The following LGALS8 variants were observed in gnomAD, a reference collection of about 807,000 sequenced individuals.
LGALS8 encodes galectin-8.
LGALS8 carries 30 observed loss-of-function variants against 35.9 expected under a neutral mutation model. That is an observed-to-expected ratio of 0.83 (90% confidence interval 0.62 to 1.13). The LOEUF is 1.13. Ranked by LOEUF, LGALS8 falls within the 50% of genes most tolerant of loss-of-function variation. The pLI, the probability that LGALS8 is intolerant of heterozygous loss-of-function variation, is 0.00. For synonymous variants in LGALS8, 138 were observed against 136.1 expected, an observed-to-expected ratio of 1.01 and a Z score of -0.10; for missense variants, 366 against 388.7, an observed-to-expected ratio of 0.94 and a Z score of 0.49.
chr1:236,519,560 C>T (rs1300421228), upstream of LGALS8, among the ~76,000 whole-genome samples: 6 of 152,200 alleles, frequency 3.9e-5, no homozygotes, highest in African/African-American at 1.4e-4. Flanking sequence ...TTGGCAATAT[C>T]TATTGTTCTG....
chr1:236,518,400 C>G (rs1285884351), intron 1 of LGALS8: 1 of 152,002 alleles, frequency 6.6e-6, no homozygotes, highest in Non-Finnish European at 1.5e-5. Flanking sequence ...CAAGAGGATT[C>G]AAAGGAGAAA....
chr1:236,538,143 G>A (rs538319827), intron 3 of LGALS8, among the ~76,000 whole-genome samples: 88 of 147,790 alleles, frequency 6.0e-4, no homozygotes, highest in Non-Finnish European at 1.0e-3. Context: ...AAGGAATTGT[G>A]GTCAGATGAC....
At chr1:236,525,080 G>A (rs1479092926) in intron 1 of LGALS8, among the ~76,000 whole-genome samples, 2 of 152,162 alleles carry the variant, frequency 1.3e-5, no homozygotes, top group Non-Finnish European at 2.9e-5. Context: ...CTTAAAAAAT[G>A]TGGCTGATGC....
chr1:236,522,286 A>AT (rs1186955087), upstream of LGALS8, among the ~76,000 whole-genome samples: 1 of 152,148 alleles, frequency 6.6e-6, no homozygotes, highest in Admixed American at 6.5e-5. Flanking sequence ...ATTTCAACTT[A>AT]TTTTAGCTTT....
chr1:236,524,160 G>A (rs1464892085), intron 1 of LGALS8, 99 bp downstream of exon 1: 1 of 456,536 alleles, frequency 2.2e-6, no homozygotes, highest in Non-Finnish European at 4.4e-6. Context: ...CGGATGTCAC[G>A]GCTCCTAAAT....
chr1:236,535,263 A>T (rs909522014), intron 2 of LGALS8, among the ~76,000 whole-genome samples: 13 of 152,018 alleles, frequency 8.6e-5, no homozygotes, highest in South Asian at 2.1e-4. Context: ...AACTATTGTT[A>T]TCATTTTTGT....
Position 236,552,423 on chromosome 1 carries a change from A to C in LGALS8, c.*4262A>C. 1 of 171,146 alleles carries C rather than the reference A, an allele frequency of 5.8e-6. No individual in the cohort carries two copies. The highest frequency in any genetic ancestry group is 1.2e-5 in the Non-Finnish European group (1 of 80,584). The allele number at this position is 171,146 out of a possible 1,614,324, so 10.6% of individuals were successfully genotyped here. On this transcript the variant is annotated 3_prime_UTR_variant, in exon 10 of 10. Transcript: ENST00000366584. Reference sequence around the variant, plus strand: ...AAATAAAATGCCGCATGCAAACTCAAGTGTGTCACCAGATTTTACTTCATT... The same window carrying C: ...AAATAAAATGCCGCATGCAAACTCACGTGTGTCACCAGATTTTACTTCATT...
At chr1:236,518,740 T>A (rs534625911), upstream of LGALS8, among the ~76,000 whole-genome samples, 2 of 152,290 alleles carry the variant, frequency 1.3e-5, no homozygotes, top group South Asian at 4.1e-4. Flanking sequence ...TTCTTTAAAG[T>A]TCTTGATACT....
rs1206634664 is a variant in LGALS8, at chr1:236,549,298, T to G, written c.*1137T>G. 1.2e-5 allele frequency: 3 copies of G among 244,686 alleles called. No homozygotes were observed. Among genetic ancestry groups the G allele is most frequent in the South Asian group, 3.6e-4 (2 of 5,622 alleles). The allele number at this position is 244,686 out of a possible 1,614,324, so 15.2% of individuals were successfully genotyped here. A position where few individuals can be genotyped will look rare whatever the true frequency, so the allele number is the denominator to read the frequency against. On this transcript the variant is annotated 3_prime_UTR_variant, in exon 10 of 10. Transcript: ENST00000366584. ...TTCCATTTCTGTGATTTTTCTATTA[T>G]TTGAGGGGAGTTGGCAGAAGTTCCA... is the stretch of plus-strand genomic sequence containing the variant.
intron 9 of LGALS8, among the ~76,000 whole-genome samples, chr1:236,545,947 T>TGGAG (rs1168835144): frequency 6.6e-6 from 1 of 152,136 alleles, no homozygotes; most frequent in Non-Finnish European, 1.5e-5. Flanking sequence ...TGGGGTTCAC[T>TGGAG]GGAGGGAAAC....
upstream of LGALS8, chr1:236,523,770 G>T (rs1440950560): frequency 4.8e-5 from 16 of 330,570 alleles, no homozygotes; most frequent in African/African-American, 6.5e-5. Flanking sequence ...CAGCAAGCCA[G>T]TCGCGGTCCA....
Position 236,550,875 on chromosome 1 carries a change from G to A in LGALS8, c.*2714G>A, listed in dbSNP as rs749934944. The A allele has an allele frequency of 1.3e-6, 2 of 1,522,444 alleles. No homozygotes were observed. Among genetic ancestry groups the A allele is most frequent in the Non-Finnish European group, 1.8e-6 (2 of 1,122,448 alleles). The allele number at this position is 1,522,444 out of a possible 1,614,324, so 94.3% of individuals were successfully genotyped here. ...TATGAAATATGAGTGTGAACTCTGAGTAGAGTATGAAACACCACAGAAAGT... is the reference window on the plus strand; with the variant it reads ...TATGAAATATGAGTGTGAACTCTGAATAGAGTATGAAACACCACAGAAAGT... On this transcript the variant is annotated 3_prime_UTR_variant, in exon 10 of 10. Transcript: ENST00000366584.
chr1:236,543,732 G>C (rs1359035371), intron 8 of LGALS8, 84 bp downstream of exon 8: 6 of 950,460 alleles, frequency 6.3e-6, no homozygotes, highest in East Asian at 2.5e-5. Context: ...CTGTGAGCTG[G>C]AAGAAGGGCT....
At chr1:236,542,662 G>A (rs1408701873) in intron 6 of LGALS8, 99 bp from the exon 7 acceptor site, 2 of 1,282,014 alleles carry the variant, frequency 1.6e-6, no homozygotes, top group African/African-American at 2.9e-5. Flanking sequence ...GAACATCCCA[G>A]GCTCCGGCCA....
intron 4 of LGALS8, chr1:236,540,171 G>C (rs1467933138): frequency 5.5e-6 from 1 of 180,772 alleles, no homozygotes; most frequent in Non-Finnish European, 1.1e-5. Context: ...GTGGTCTCCA[G>C]GGACAGTGTT....
intron 2 of LGALS8, among the ~76,000 whole-genome samples, chr1:236,529,811 G>A (rs1026038482): frequency 2.0e-5 from 3 of 151,770 alleles, no homozygotes; most frequent in Non-Finnish European, 2.9e-5. Context: ...GCCACGCCCC[G>A]CTAATTGTTC....
chr1:236,534,041 T>G (rs1000823086), intron 2 of LGALS8, among the ~76,000 whole-genome samples: 1 of 151,450 alleles, frequency 6.6e-6, no homozygotes, highest in African/African-American at 2.4e-5. Context: ...GGCTGCCCCC[T>G]TGCCAGAGTG....
At chr1:236,546,998 CCTTTCCACTGCTCCTATCAAAAGA>C (rs1322635512) in intron 9 of LGALS8, among the ~76,000 whole-genome samples, 9 of 131,582 alleles carry the variant, frequency 6.8e-5, no homozygotes, top group African/African-American at 2.4e-4. Flanking sequence ...CCTTGACAGT[CCTTTCCACTGCTCCTATCAAAAGA>C]ATGGAAACCC....
intron 9 of LGALS8, 30 bp from the exon 10 acceptor site, chr1:236,547,982 C>A (rs777274703): frequency 1.3e-6 from 2 of 1,587,418 alleles, no homozygotes; most frequent in Non-Finnish European, 1.7e-6. Context: ...CTAAGGGGAA[C>A]CACTAATGGC....
Sources: allele counts gnomAD v4.1 joint callset (sites outside exome capture counted in the v4.1 genomes callset), GRCh38; gene constraint gnomAD v4.1.1; transcripts MANE v1.5; gene names NCBI Gene and HGNC (gene_info 2026-07-23, HGNC 2026-07-21).